DIAPH2: variants seen among roughly 807,000 people sequenced by gnomAD.
DIAPH2 encodes protein diaphanous homolog 2.
A neutral mutation model predicts 92.7 loss-of-function variants in DIAPH2; 35 were observed. That is an observed-to-expected ratio of 0.38 (90% CI 0.29 to 0.50). The LOEUF is 0.50. Ranked by LOEUF, DIAPH2 falls within the 20% of genes least tolerant of loss-of-function variation. The pLI is 0.94. For synonymous variants in DIAPH2, 301 were observed against 280.4 expected (o/e 1.07, Z -0.73); for missense variants, 701 against 819.5 (o/e 0.86, Z 1.77).
intron 17 of DIAPH2, among the ~76,000 whole-genome samples, chrX:97,034,673 G>A (rs778220931): frequency 1.1e-4 from 12 of 110,551 alleles, no homozygotes; most frequent in East Asian, 5.7e-4. Context: ...CTCTTTTCTC[G>A]TATAAAAAAA....
chrX:96,875,741 AT>A (rs1016599062), intron 4 of DIAPH2, among the ~76,000 whole-genome samples: 112 of 110,914 alleles, frequency 1.0e-3, no homozygotes, highest in African/African-American at 3.4e-3. Context: ...TTTACCCTAC[AT>A]TTTTTTGTGT....
intron 4 of DIAPH2, among the ~76,000 whole-genome samples, chrX:96,821,147 T>C (rs761458727): frequency 8.9e-6 from 1 of 111,883 alleles, no homozygotes; most frequent in African/African-American, 3.2e-5. Context: ...TTATGTTAAC[T>C]GAACTAAAAC....
At chrX:96,718,868 G>C (rs773736077) in intron 1 of DIAPH2, among the ~76,000 whole-genome samples, 1 of 111,289 alleles carries the variant, frequency 9.0e-6, no homozygotes, top group South Asian at 3.8e-4. Flanking sequence ...ATTATTCTCC[G>C]TAGCGGTTGT....
intron 17 of DIAPH2, among the ~76,000 whole-genome samples, chrX:97,033,975 C>T (rs866277513): frequency 9.0e-5 from 10 of 111,267 alleles, no homozygotes; most frequent in African/African-American, 2.9e-4. Flanking sequence ...TGTCTTAAAG[C>T]CATCTTCTTA....
At chrX:96,883,744 G>C (rs970773533) in intron 5 of DIAPH2, among the ~76,000 whole-genome samples, 7 of 110,868 alleles carry the variant, frequency 6.3e-5, no homozygotes, top group Admixed American at 4.8e-4. Flanking sequence ...CAGTAACTAC[G>C]GTGGTGCATT....
intron 20 of DIAPH2, among the ~76,000 whole-genome samples, chrX:97,108,643 A>G (rs750778505): frequency 3.6e-5 from 4 of 112,004 alleles, no homozygotes; most frequent in Non-Finnish European, 5.6e-5. Context: ...GTTATGATCA[A>G]TATGTACTGG....
intron 25 of DIAPH2, among the ~76,000 whole-genome samples, chrX:97,384,357 G>A (rs2069579359): frequency 8.9e-6 from 1 of 111,822 alleles, no homozygotes; most frequent in Non-Finnish European, 1.9e-5. Flanking sequence ...TGTGAAAAAC[G>A]GGTATGGGGA....
chrX:97,495,147 G>A (rs751450259), intron 26 of DIAPH2, among the ~76,000 whole-genome samples: 1 of 112,035 alleles, frequency 8.9e-6, no homozygotes, highest in Admixed American at 9.5e-5. Context: ...TGGCTTGGGG[G>A]AAGGGGCTAA....
chrX:96,866,733 A>G (rs1457420949), intron 4 of DIAPH2, among the ~76,000 whole-genome samples: 2 of 112,160 alleles, frequency 1.8e-5, no homozygotes, highest in Non-Finnish European at 3.8e-5. Context: ...GAGATTACTG[A>G]TTATATTACT....
At chrX:96,812,011 G>A (rs2064687167) in intron 4 of DIAPH2, among the ~76,000 whole-genome samples, 1 of 111,533 alleles carries the variant, frequency 9.0e-6, no homozygotes, top group Non-Finnish European at 1.9e-5. Flanking sequence ...CCAGGCTTTG[G>A]TATCAGGATG....
At chrX:97,263,123 C>T (rs2068302383) in intron 23 of DIAPH2, among the ~76,000 whole-genome samples, 1 of 112,319 alleles carries the variant, frequency 8.9e-6, no homozygotes, top group South Asian at 3.7e-4. Context: ...TCATATCATG[C>T]ATCTATTCTT....
intron 23 of DIAPH2, among the ~76,000 whole-genome samples, chrX:97,289,620 T>C (rs2068573049): frequency 8.9e-6 from 1 of 111,856 alleles, no homozygotes; most frequent in Non-Finnish European, 1.9e-5. Flanking sequence ...ATCTGAAAGT[T>C]GTAGCTCTGA....
At chrX:96,865,354 G>A (rs903539570) in intron 4 of DIAPH2, among the ~76,000 whole-genome samples, 1 of 111,845 alleles carries the variant, frequency 8.9e-6, no homozygotes, top group South Asian at 3.7e-4. Context: ...GTTGTGTGCT[G>A]CATCATATTG....
At chrX:96,797,736 A>G (rs1398398498) in intron 4 of DIAPH2, among the ~76,000 whole-genome samples, 1 of 112,198 alleles carries the variant, frequency 8.9e-6, no homozygotes, top group Non-Finnish European at 1.9e-5. Context: ...GATGTGCAGG[A>G]TTGTTACATA....
intron 17 of DIAPH2, among the ~76,000 whole-genome samples, chrX:97,072,349 G>T (rs770290303): frequency 8.9e-6 from 1 of 112,211 alleles, no homozygotes; most frequent in African/African-American, 3.2e-5. Context: ...TTCAAATAGC[G>T]AGGGATACAA....
At chrX:96,770,820 T>C (rs1397934592) in intron 4 of DIAPH2, among the ~76,000 whole-genome samples, 1 of 112,264 alleles carries the variant, frequency 8.9e-6, no homozygotes, top group Non-Finnish European at 1.9e-5. Flanking sequence ...CTTTTAAAAA[T>C]AGCACAAACA....
chrX:97,104,615 T>C (rs2147368199), intron 20 of DIAPH2, among the ~76,000 whole-genome samples: 1 of 110,576 alleles, frequency 9.0e-6, no homozygotes, highest in South Asian at 3.9e-4. Context: ...TCCTGGCCTC[T>C]AGCAATCCTC....
intron 1 of DIAPH2, among the ~76,000 whole-genome samples, chrX:96,692,775 A>G (rs988543760): frequency 2.7e-5 from 3 of 112,132 alleles, no homozygotes; most frequent in Non-Finnish European, 5.6e-5. Flanking sequence ...GCAAAGGAAA[A>G]TTATTCTTCA....
intron 19 of DIAPH2, among the ~76,000 whole-genome samples, chrX:97,097,906 C>G (rs772683585): frequency 1.3e-4 from 15 of 111,925 alleles, no homozygotes; most frequent in Non-Finnish European, 2.3e-4. Context: ...GAAAATAATA[C>G]TAATGGAGCA....
Sources: gnomAD v4.1 joint callset for allele counts (sites outside exome capture counted in the v4.1 genomes callset) on GRCh38, gnomAD v4.1.1 for gene constraint, MANE v1.5 for transcripts, NCBI Gene and HGNC (gene_info 2026-07-23, HGNC 2026-07-21) for gene names.